The following HMGCLL1 variants were observed in gnomAD, a reference collection of about 807,000 sequenced individuals.
The protein encoded by HMGCLL1 is 3-hydroxymethyl-3-methylglutaryl-CoA lyase, cytoplasmic.
HMGCLL1 carries 36 observed loss-of-function variants against 39.1 expected under a neutral mutation model. That is an observed-to-expected ratio of 0.92 (90% CI 0.71 to 1.22). The LOEUF is 1.22. Among genes scored for constraint, HMGCLL1 ranks in the 50% most tolerant of loss-of-function variants. The pLI is 0.00. For synonymous variants in HMGCLL1, 149 were observed against 144.0 expected, an observed-to-expected ratio of 1.03 and a Z score of -0.25; for missense variants, 451 against 416.5, an observed-to-expected ratio of 1.08 and a Z score of -0.72.
intron 4 of HMGCLL1, 149 bp from the exon 5 acceptor site, chr6:55,514,345 A>G (rs1767625368): frequency 1.8e-6 from 1 of 565,520 alleles, no homozygotes; most frequent in Non-Finnish European, 3.0e-6. Context: ...TCATCTTGCC[A>G]CATATATTCT....
At chr6:55,501,387 G>A (rs1766878757) in intron 5 of HMGCLL1, among the ~76,000 whole-genome samples, 1 of 151,852 alleles carries the variant, frequency 6.6e-6, no homozygotes, top group Admixed American at 6.6e-5. Flanking sequence ...CACTACAGCA[G>A]AGTTGAGCAG....
intron 1 of HMGCLL1, among the ~76,000 whole-genome samples, chr6:55,570,349 G>C (rs1371714377): frequency 1.3e-5 from 2 of 152,160 alleles, no homozygotes; most frequent in African/African-American, 4.8e-5. Context: ...CCCTTGAGAA[G>C]AAGGCACCTC....
At chr6:55,628,642 G>C in the HMGCLL1 span, among the ~76,000 whole-genome samples, 2 of 151,948 alleles carry the variant, frequency 1.3e-5, no homozygotes, top group Non-Finnish European at 2.9e-5. Flanking sequence ...AGATGTATTG[G>C]AGCCTGATAT....
intron 7 of HMGCLL1, among the ~76,000 whole-genome samples, chr6:55,449,814 C>G (rs1764001623): frequency 6.6e-6 from 1 of 152,160 alleles, no homozygotes; most frequent in Non-Finnish European, 1.5e-5. Context: ...CAGTCACACA[C>G]AGGGAAGGAG....
the HMGCLL1 span, among the ~76,000 whole-genome samples, chr6:55,605,901 T>C: frequency 9.8e-5 from 15 of 152,302 alleles, no homozygotes; most frequent in African/African-American, 3.4e-4. Context: ...ATCAATGATA[T>C]AGGTGCTTTG....
At chr6:55,541,939 C>G in intron 2 of HMGCLL1, 103 bp from the exon 3 acceptor site, 1 of 954,598 alleles carries the variant, frequency 1.0e-6, no homozygotes, top group Admixed American at 2.5e-5. Flanking sequence ...TTGTAATTTA[C>G]AAATTCAAGT....
At chr6:55,441,421 G>C (rs1250931859) in intron 7 of HMGCLL1, among the ~76,000 whole-genome samples, 1 of 152,104 alleles carries the variant, frequency 6.6e-6, no homozygotes, top group African/African-American at 2.4e-5. Flanking sequence ...AAATCTGACT[G>C]AAGTTTGGCT....
Position 55,499,276 on chromosome 6 carries a change from C to T in HMGCLL1, c.566G>A (p.Cys189Tyr). ...ARGYVSCALG[C>Y]PYEGSITPQK... ...CGGTGTAATACTTCCTTCATATGGA[C>T]AGCCCAGAGCACAAGACACATACCT... The change falls in exon 6 of 9, where the codon TGT becomes TAT. Residue 189 changes from cysteine to tyrosine, a missense_variant. Transcript: ENST00000274901. 1 of 1,609,458 alleles carries T rather than the reference C, an allele frequency of 6.2e-7. No individual in the cohort carries two copies. Among genetic ancestry groups the T allele is most frequent in the South Asian group, 1.1e-5 (1 of 90,260 alleles).
At chr6:55,612,949 TG>T in the HMGCLL1 span, among the ~76,000 whole-genome samples, 2 of 152,146 alleles carry the variant, frequency 1.3e-5, no homozygotes, top group African/African-American at 4.8e-5. Flanking sequence ...AATTGACAAG[TG>T]GGATCTAATT....
Position 55,495,530 on chromosome 6 carries a change from AC to A in HMGCLL1, c.683del (p.Ser228IlefsTer2), listed in dbSNP as rs1766530351. The A allele has an allele frequency of 6.2e-7, 1 of 1,613,634 alleles. No homozygotes were observed. Among genetic ancestry groups the A allele is most frequent in the African/African-American group, 1.3e-5 (1 of 74,874 alleles). On this transcript the variant is annotated frameshift_variant, in exon 7 of 9. Transcript: ENST00000274901. LOFTEE classifies it high-confidence loss of function. ...GDTIGVGTPG[S>X]MKRMLESVMK... is the part of the protein sequence containing the mutation. ...TCACACTTTCCAACATTCTTTTCATACTTCCTGGAGTTCCCACTCCAATTGT... is the reference window on the plus strand; with the variant it reads ...TCACACTTTCCAACATTCTTTTCATATTCCTGGAGTTCCCACTCCAATTGT...
At chr6:55,477,958 T>G (rs1367551214) in intron 7 of HMGCLL1, among the ~76,000 whole-genome samples, 1 of 151,046 alleles carries the variant, frequency 6.6e-6, no homozygotes, top group Non-Finnish European at 1.5e-5. Flanking sequence ...TTTAACATTC[T>G]CTGAAAATGT....
chr6:55,624,669 G>T, the HMGCLL1 span, among the ~76,000 whole-genome samples: 1 of 152,160 alleles, frequency 6.6e-6, no homozygotes, highest in African/African-American at 2.4e-5. Context: ...ATATTTGCAT[G>T]CCAGGGGATG....
chr6:55,590,408 G>A, the HMGCLL1 span, among the ~76,000 whole-genome samples: 1 of 152,064 alleles, frequency 6.6e-6, no homozygotes, highest in Admixed American at 6.6e-5. Flanking sequence ...ATTCAAGATG[G>A]ATTAAAGATT....
At chr6:55,446,648 T>G (rs1763853510) in intron 7 of HMGCLL1, among the ~76,000 whole-genome samples, 1 of 152,002 alleles carries the variant, frequency 6.6e-6, no homozygotes, top group Non-Finnish European at 1.5e-5. Context: ...TGTATGATGT[T>G]CTAATGGTCT....
At chr6:55,475,210 T>C (rs563687315) in intron 7 of HMGCLL1, among the ~76,000 whole-genome samples, 6 of 151,584 alleles carry the variant, frequency 4.0e-5, no homozygotes, top group Non-Finnish European at 8.9e-5. Context: ...AATAGGCCTT[T>C]GTAATGAAGA....
chr6:55,490,215 C>A (rs1168373940), intron 7 of HMGCLL1, among the ~76,000 whole-genome samples: 1 of 152,096 alleles, frequency 6.6e-6, no homozygotes, highest in Non-Finnish European at 1.5e-5. Flanking sequence ...TTCCTTGGTC[C>A]AGTGAGCTGT....
At chr6:55,567,198 C>A (rs1771261326) in intron 1 of HMGCLL1, among the ~76,000 whole-genome samples, 1 of 151,650 alleles carries the variant, frequency 6.6e-6, no homozygotes, top group Non-Finnish European at 1.5e-5. Flanking sequence ...TGAGGTTGGC[C>A]ATTGGGAGAG....
At chr6:55,467,309 A>G (rs1764834750) in intron 7 of HMGCLL1, among the ~76,000 whole-genome samples, 1 of 152,072 alleles carries the variant, frequency 6.6e-6, no homozygotes, top group Non-Finnish European at 1.5e-5. Flanking sequence ...TATTTTTTCT[A>G]TGTGAATATT....
chr6:55,675,147 G>T, the HMGCLL1 span, among the ~76,000 whole-genome samples: 1 of 152,034 alleles, frequency 6.6e-6, no homozygotes, highest in Non-Finnish European at 1.5e-5. Flanking sequence ...ATGTAAACAT[G>T]GGCATAAGGT....
Sources: gnomAD v4.1 joint callset for allele counts (sites outside exome capture counted in the v4.1 genomes callset) on GRCh38, gnomAD v4.1.1 for gene constraint, MANE v1.5 for transcripts, NCBI Gene and HGNC (gene_info 2026-07-23, HGNC 2026-07-21) for gene names.